The following IPO11 variants were observed in gnomAD, a reference collection of about 807,000 sequenced individuals.
IPO11 encodes importin-11.
Under a neutral mutation model 143.2 loss-of-function variants are expected in IPO11, and 66 were observed. The ratio of observed to expected loss-of-function variants is 0.46; its 90% CI spans 0.38 to 0.57. The LOEUF (loss-of-function observed/expected upper bound fraction) is 0.57, where lower values mean the gene tolerates loss of function less well. Among genes scored for constraint, IPO11 ranks in the 20% least tolerant of loss-of-function variants. The pLI is 0.00. For missense variants in IPO11, 1,026 were observed against 1,141.0 expected (o/e 0.90, Z 1.45); for synonymous variants, 385 against 377.8 (o/e 1.02, Z -0.22).
intron 1 of IPO11, among the ~76,000 whole-genome samples, chr5:62,431,380 A>AG (rs56319518): frequency 1 from 152,204 of 152,212 alleles, 76,098 homozygotes; most frequent in Middle Eastern, 1. Flanking sequence ...TAGAAATTCC[A>AG]GGGCAATTTT....
intron 16 of IPO11, among the ~76,000 whole-genome samples, chr5:62,494,330 T>A (rs1270974359): frequency 6.6e-6 from 1 of 152,066 alleles, no homozygotes; most frequent in Non-Finnish European, 1.5e-5. Context: ...GAAAAAAAAA[T>A]TAAGCTCTAC....
At chr5:62,539,770 A>C (rs1260819124) in intron 24 of IPO11, among the ~76,000 whole-genome samples, 1 of 152,238 alleles carries the variant, frequency 6.6e-6, no homozygotes, top group Non-Finnish European at 1.5e-5. Flanking sequence ...TATTGCATTT[A>C]TGCCTTTATT....
chr5:62,568,574 C>CAAAATA, intron 27 of IPO11, among the ~76,000 whole-genome samples: 1 of 51,902 alleles, frequency 1.9e-5, no homozygotes. Flanking sequence ...ACTCTGTCTC[C>CAAAATA]AAAAAAAAAA....
chr5:62,466,853 T>G (rs909288665), intron 5 of IPO11, among the ~76,000 whole-genome samples: 2 of 152,238 alleles, frequency 1.3e-5, no homozygotes, highest in African/African-American at 4.8e-5. Flanking sequence ...TATATAAGAC[T>G]GCAATGCAGG....
chr5:62,602,345 C>G (rs1356098451), intron 29 of IPO11, among the ~76,000 whole-genome samples: 1 of 152,074 alleles, frequency 6.6e-6, no homozygotes, highest in Non-Finnish European at 1.5e-5. Context: ...AAGGAAATAT[C>G]TAAAATATCT....
At chr5:62,574,991 AAAT>A (rs1191941493) in intron 27 of IPO11, among the ~76,000 whole-genome samples, 1 of 152,230 alleles carries the variant, frequency 6.6e-6, no homozygotes, top group Non-Finnish European at 1.5e-5. Flanking sequence ...TTGCAGCTAA[AAAT>A]TTCTTAGTTG....
intron 26 of IPO11, among the ~76,000 whole-genome samples, chr5:62,559,941 A>AAG (rs561834402): frequency 8.4e-6 from 1 of 119,314 alleles, no homozygotes; most frequent in Non-Finnish European, 1.7e-5. Context: ...AAAAAAAAAA[A>AAG]AGAGAGAGAA....
At chr5:62,540,508 T>G (rs1742895318) in intron 24 of IPO11, among the ~76,000 whole-genome samples, 1 of 152,224 alleles carries the variant, frequency 6.6e-6, no homozygotes, top group Admixed American at 6.5e-5. Context: ...AGACAACTTG[T>G]GGATTATTTG....
chr5:62,463,877 G>A, intron 5 of IPO11, among the ~76,000 whole-genome samples: 1 of 151,206 alleles, frequency 6.6e-6, no homozygotes, highest in Non-Finnish European at 1.5e-5. Flanking sequence ...AGGCTGGAGA[G>A]CAGTGGGGTG....
chr5:62,567,947 G>A (rs531058548), intron 27 of IPO11, among the ~76,000 whole-genome samples: 1 of 136,192 alleles, frequency 7.3e-6, no homozygotes, highest in Non-Finnish European at 1.7e-5. Context: ...ATTGTGTTTT[G>A]TTTATTTTTC....
intron 29 of IPO11, among the ~76,000 whole-genome samples, chr5:62,609,650 T>A (rs1287450521): frequency 6.6e-6 from 1 of 152,178 alleles, no homozygotes; most frequent in Non-Finnish European, 1.5e-5. Context: ...CATTTTGACA[T>A]CTCTAGTGGA....
chr5:62,556,698 C>G (rs190311199), intron 26 of IPO11, among the ~76,000 whole-genome samples: 46 of 151,914 alleles, frequency 3.0e-4, no homozygotes, highest in African/African-American at 1.1e-3. Flanking sequence ...TTTTTTAAAC[C>G]AAAAAAATTA....
intron 13 of IPO11, 141 bp downstream of exon 13, chr5:62,488,002 T>G: frequency 1.5e-6 from 1 of 676,484 alleles, no homozygotes; most frequent in East Asian, 3.3e-5. Flanking sequence ...TTTTAAAACT[T>G]ATTATCTTCC....
chr5:62,612,900 A>T (rs184455192), intron 29 of IPO11, among the ~76,000 whole-genome samples: 168 of 152,356 alleles, frequency 1.1e-3, no homozygotes, highest in Middle Eastern at 3.4e-3. Flanking sequence ...ATGTACTTCT[A>T]AAAGTTTGTA....
chr5:62,537,403 C>T, intron 24 of IPO11, 114 bp downstream of exon 24: 1 of 695,196 alleles, frequency 1.4e-6, no homozygotes, highest in Non-Finnish European at 2.4e-6. Flanking sequence ...TAGTTCTAGA[C>T]AGGCTATTTT....
At chr5:62,430,518 C>T (rs1263379714) in intron 1 of IPO11, among the ~76,000 whole-genome samples, 2 of 151,638 alleles carry the variant, frequency 1.3e-5, no homozygotes, top group Non-Finnish European at 2.9e-5. Context: ...GATGGGTTTT[C>T]GCCATGTTAC....
chr5:62,447,995 G>T (rs188650974), intron 3 of IPO11, among the ~76,000 whole-genome samples: 3 of 152,132 alleles, frequency 2.0e-5, no homozygotes, highest in East Asian at 1.9e-4. Context: ...GATTACAGGC[G>T]TGAGCTACTG....
intron 20 of IPO11, among the ~76,000 whole-genome samples, chr5:62,522,881 C>G (rs189397596): frequency 6.6e-6 from 1 of 152,310 alleles, no homozygotes; most frequent in African/African-American, 2.4e-5. Context: ...CATCAAACTG[C>G]TTTCTAAACA....
chr5:62,543,306 G>C (rs555840650), intron 24 of IPO11, among the ~76,000 whole-genome samples: 2 of 152,122 alleles, frequency 1.3e-5, no homozygotes, highest in South Asian at 2.1e-4. Flanking sequence ...CTGTGAATCC[G>C]TCTGATCCTG....
Sources: allele counts gnomAD v4.1 joint callset (sites outside exome capture counted in the v4.1 genomes callset), GRCh38; gene constraint gnomAD v4.1.1; transcripts MANE v1.5; gene names NCBI Gene and HGNC (gene_info 2026-07-23, HGNC 2026-07-21).